Variants in PARN observed in about 807,000 individuals in gnomAD.
The protein encoded by PARN is poly(A)-specific ribonuclease PARN.
In PARN, 71 loss-of-function variants were observed where a neutral mutation model predicts 102.8. The ratio of observed to expected loss-of-function variants is 0.69; its 90% CI spans 0.57 to 0.84. The LOEUF is 0.84. Ranked by LOEUF, PARN falls within the 40% of genes least tolerant of loss-of-function variation. PARN has a pLI of 0.00. For missense variants in PARN, 782 were observed against 760.9 expected, an observed-to-expected ratio of 1.03 and a Z score of -0.33; for synonymous variants, 261 against 252.9, an observed-to-expected ratio of 1.03 and a Z score of -0.30.
chr16:14,570,951 C>G (rs1039229638), intron 18 of PARN, among the ~76,000 whole-genome samples: 1 of 152,004 alleles, frequency 6.6e-6, no homozygotes, highest in Admixed American at 6.6e-5. Context: ...TGCCTCTGCA[C>G]TCCAGCCTGG....
At chr16:14,603,413 G>T (rs1221737106) in intron 11 of PARN, among the ~76,000 whole-genome samples, 1 of 152,088 alleles carries the variant, frequency 6.6e-6, no homozygotes, top group Non-Finnish European at 1.5e-5. Context: ...TCATCCACAT[G>T]CAAACCCACT....
At chr16:14,478,867 C>T (rs938265724) in intron 22 of PARN, among the ~76,000 whole-genome samples, 6 of 152,292 alleles carry the variant, frequency 3.9e-5, no homozygotes, top group South Asian at 4.1e-4. Context: ...CTGCAACCTC[C>T]GCCTCCCGGG....
intron 16 of PARN, among the ~76,000 whole-genome samples, chr16:14,584,139 C>A (rs111581862): frequency 4.6e-5 from 7 of 152,230 alleles, no homozygotes; most frequent in Admixed American, 2.6e-4. Flanking sequence ...TGAATGGCTA[C>A]CCAACTCCAT....
chr16:14,527,426 G>C (rs903826389), intron 21 of PARN, among the ~76,000 whole-genome samples: 1 of 152,158 alleles, frequency 6.6e-6, no homozygotes, highest in African/African-American at 2.4e-5. Context: ...TCCCATTCCA[G>C]AACTGCAAAT....
At chr16:14,546,389 G>A (rs1390509875) in intron 21 of PARN, among the ~76,000 whole-genome samples, 6 of 152,150 alleles carry the variant, frequency 3.9e-5, no homozygotes, top group Non-Finnish European at 7.3e-5. Flanking sequence ...AAGCTTCTAA[G>A]GCAGGGTATC....
chr16:14,607,241 C>T (rs1971245088), intron 9 of PARN, among the ~76,000 whole-genome samples: 1 of 152,118 alleles, frequency 6.6e-6, no homozygotes, highest in Admixed American at 6.6e-5. Context: ...TGGAGTCTCA[C>T]TCTGCCACTC....
intron 8 of PARN, among the ~76,000 whole-genome samples, 159 bp downstream of exon 8, chr16:14,608,899 C>T (rs562988389): frequency 1.3e-4 from 20 of 152,136 alleles, no homozygotes; most frequent in Non-Finnish European, 2.5e-4. Context: ...ACAGTCATCC[C>T]CACTGTGTAA....
At chr16:14,457,616 G>A (rs1394395948) in intron 22 of PARN, among the ~76,000 whole-genome samples, 1 of 151,740 alleles carries the variant, frequency 6.6e-6, no homozygotes, top group African/African-American at 2.4e-5. Flanking sequence ...TGGCCAACAT[G>A]GTGAAACCTC....
At chr16:14,627,706 G>A (rs1972762494) in intron 3 of PARN, among the ~76,000 whole-genome samples, 2 of 152,200 alleles carry the variant, frequency 1.3e-5, no homozygotes, top group South Asian at 2.1e-4. Flanking sequence ...AACACTTTAA[G>A]GCCAGGTGTG....
chr16:14,557,639 T>A (rs1967780306), intron 18 of PARN, among the ~76,000 whole-genome samples: 2 of 151,968 alleles, frequency 1.3e-5, no homozygotes, highest in Admixed American at 1.3e-4. Flanking sequence ...ACTGTTCTGT[T>A]AATGTCAGAA....
intron 16 of PARN, among the ~76,000 whole-genome samples, chr16:14,582,895 G>GCAC (rs1969617793): frequency 6.6e-6 from 1 of 152,120 alleles, no homozygotes; most frequent in Non-Finnish European, 1.5e-5. Flanking sequence ...TTGGTACATA[G>GCAC]TAAGTGCTCA....
At chr16:14,506,876 A>G (rs1279026870) in intron 21 of PARN, among the ~76,000 whole-genome samples, 12 of 152,226 alleles carry the variant, frequency 7.9e-5, no homozygotes. Flanking sequence ...AATAAAATGC[A>G]TGAGGTCTAA....
intron 21 of PARN, among the ~76,000 whole-genome samples, chr16:14,503,293 T>C (rs1052236819): frequency 1.3e-5 from 2 of 152,116 alleles, no homozygotes; most frequent in African/African-American, 4.8e-5. Flanking sequence ...GTATTCTAGG[T>C]GCACAAACAA....
intron 13 of PARN, among the ~76,000 whole-genome samples, chr16:14,587,402 G>C (rs1196626983): frequency 6.6e-6 from 1 of 152,210 alleles, no homozygotes; most frequent in Non-Finnish European, 1.5e-5. Context: ...CAAGTATCAA[G>C]ATAGTTCATA....
At chr16:14,491,491 T>C (rs931125642) in intron 21 of PARN, among the ~76,000 whole-genome samples, 1 of 152,092 alleles carries the variant, frequency 6.6e-6, no homozygotes, top group Non-Finnish European at 1.5e-5. Context: ...AGGCCAGGCA[T>C]AGTGGCTCAT....
chr16:14,609,388 A>T (rs932973843), intron 7 of PARN, among the ~76,000 whole-genome samples: 1 of 152,126 alleles, frequency 6.6e-6, no homozygotes, highest in Non-Finnish European at 1.5e-5. Flanking sequence ...CAATATACTG[A>T]GAGCCCCTCA....
intron 18 of PARN, among the ~76,000 whole-genome samples, chr16:14,566,671 G>C (rs973023818): frequency 1.4e-4 from 21 of 152,162 alleles, no homozygotes; most frequent in African/African-American, 4.8e-4. Flanking sequence ...ACATCCAAGG[G>C]TTGACTGATT....
intron 12 of PARN, among the ~76,000 whole-genome samples, chr16:14,594,141 TA>T (rs1214243885): frequency 6.6e-6 from 1 of 152,122 alleles, no homozygotes; most frequent in Non-Finnish European, 1.5e-5. Flanking sequence ...TGCTAAAAGG[TA>T]AAAATAACTA....
At chr16:14,471,231 G>A (rs1421585719) in intron 22 of PARN, among the ~76,000 whole-genome samples, 1 of 152,164 alleles carries the variant, frequency 6.6e-6, no homozygotes, top group African/African-American at 2.4e-5. Flanking sequence ...ATGTGTTACA[G>A]CCCATACAAC....
Sources: allele counts gnomAD v4.1 joint callset (sites outside exome capture counted in the v4.1 genomes callset), GRCh38; gene constraint gnomAD v4.1.1; transcripts MANE v1.5; gene names NCBI Gene and HGNC (gene_info 2026-07-23, HGNC 2026-07-21).